The following ADAMTS20 variants were observed in gnomAD, a reference collection of about 807,000 sequenced individuals.
ADAMTS20 encodes the protein ADAM metallopeptidase with thrombospondin type 1 motif 20, also known as A disintegrin and metalloproteinase with thrombospondin motifs 20.
Under a neutral mutation model 260.1 loss-of-function variants are expected in ADAMTS20, and 225 were observed. The observed-to-expected ratio is 0.87, with a 90% confidence interval of 0.78 to 0.97. The LOEUF is 0.97. Among genes scored for constraint, ADAMTS20 ranks in the 50% least tolerant of loss-of-function variants. ADAMTS20 has a pLI of 0.00. For missense variants in ADAMTS20, 2,400 were observed against 2,337.7 expected (o/e 1.03, Z -0.55); for synonymous variants, 802 against 769.5 (o/e 1.04, Z -0.70).
intron 3 of ADAMTS20, among the ~76,000 whole-genome samples, chr12:43,526,222 G>A (rs1565582414): frequency 2.0e-5 from 3 of 152,162 alleles, no homozygotes; most frequent in Non-Finnish European, 1.5e-5. Context: ...ACGGGAGGCC[G>A]AGGTGGGTGG....
intron 29 of ADAMTS20, among the ~76,000 whole-genome samples, chr12:43,390,160 C>T (rs774354077): frequency 4.6e-5 from 7 of 152,214 alleles, no homozygotes; most frequent in Non-Finnish European, 8.8e-5. Context: ...GGCCATTGCA[C>T]TCTGGGCCTA....
At chr12:43,397,563 G>C (rs1940729852) in intron 29 of ADAMTS20, among the ~76,000 whole-genome samples, 1 of 152,132 alleles carries the variant, frequency 6.6e-6, no homozygotes, top group Non-Finnish European at 1.5e-5. Flanking sequence ...ACTAACTATG[G>C]AGGCAAGGAA....
At chr12:43,417,390 T>C (rs533364223) in intron 28 of ADAMTS20, among the ~76,000 whole-genome samples, 1 of 152,186 alleles carries the variant, frequency 6.6e-6, no homozygotes, top group African/African-American at 2.4e-5. Flanking sequence ...TATAATAATG[T>C]ATAAGAGTTT....
intron 37 of ADAMTS20, among the ~76,000 whole-genome samples, chr12:43,362,173 A>G (rs1051574099): frequency 6.6e-5 from 10 of 152,256 alleles, no homozygotes; most frequent in African/African-American, 2.4e-4. Context: ...TCCATTTAAG[A>G]GAGTTGAAAT....
At chr12:43,395,894 T>C (rs568522781) in intron 29 of ADAMTS20, among the ~76,000 whole-genome samples, 1 of 152,034 alleles carries the variant, frequency 6.6e-6, no homozygotes, top group Non-Finnish European at 1.5e-5. Flanking sequence ...TCCTAGAGAT[T>C]GTGCATTTGG....
chr12:43,493,491 C>A (rs535038162), intron 4 of ADAMTS20, among the ~76,000 whole-genome samples: 7 of 152,224 alleles, frequency 4.6e-5, no homozygotes, highest in Admixed American at 4.6e-4. Context: ...GTATCTTAAA[C>A]CTTGCTACTG....
Position 43,551,965 on chromosome 12 carries a change from G to T in ADAMTS20, c.-44C>A. On this transcript the variant is annotated 5_prime_UTR_variant, in exon 1 of 39. Transcript: ENST00000389420. This position sits in a 1 kb window ranked among gnomAD's most constrained non-coding sequence, Gnocchi z 4.6. Reference sequence around the variant, plus strand: ...CCGATCGGGGAGGCCCACCAGAGCCGCCGGCAGCCAAGCCGGCTTCCCTCG... The same window carrying T: ...CCGATCGGGGAGGCCCACCAGAGCCTCCGGCAGCCAAGCCGGCTTCCCTCG... The T allele has an allele frequency of 6.4e-7, 1 of 1,560,532 alleles. No individual in the cohort carries two copies. Among genetic ancestry groups the T allele is most frequent in the Non-Finnish European group, 8.8e-7 (1 of 1,134,860 alleles).
chr12:43,383,436 G>T lies in ADAMTS20; in HGVS notation c.4797+122C>A, dbSNP rs181259175. The T allele has an allele frequency of 2.1e-4, 193 of 921,310 alleles. 1 individual carries two copies. The African/African-American group carries it at 2.8e-3, about 14-fold the overall frequency. 57.1% of individuals were successfully genotyped at this position (921,310 alleles called of 1,614,324 possible). ...TGTCAGTGGTCTCATTCCTTAGATT[G>T]ATATGCATACCATCATCTGCCCTCA... On this transcript the variant is annotated intron_variant, in intron 31 of 38. Transcript: ENST00000389420.
chr12:43,525,420 G>T (rs1000294455), intron 3 of ADAMTS20, among the ~76,000 whole-genome samples: 1 of 152,114 alleles, frequency 6.6e-6, no homozygotes, highest in Non-Finnish European at 1.5e-5. Flanking sequence ...CACCAAAATA[G>T]AATCTCTTGA....
intron 7 of ADAMTS20, among the ~76,000 whole-genome samples, chr12:43,475,721 C>T (rs1231792277): frequency 6.7e-6 from 1 of 150,082 alleles, no homozygotes; most frequent in Non-Finnish European, 1.5e-5. Context: ...TTTGACAAAC[C>T]TGAGAAAAAC....
At chr12:43,357,630 A>C (rs1206469608) in intron 37 of ADAMTS20, among the ~76,000 whole-genome samples, 1 of 152,192 alleles carries the variant, frequency 6.6e-6, no homozygotes, top group Admixed American at 6.5e-5. Flanking sequence ...CCATTGCAGA[A>C]ATAATTAGTT....
intron 28 of ADAMTS20, among the ~76,000 whole-genome samples, chr12:43,409,395 G>A (rs567879617): frequency 2.3e-4 from 35 of 151,632 alleles, no homozygotes; most frequent in Middle Eastern, 3.4e-3. Flanking sequence ...GAGGTCAGGA[G>A]ATCGAGACCA....
rs1162338659 is a variant in ADAMTS20 at position 43,460,964 on chromosome 12, TTA to T, written c.1614+1929_1614+1930del. On this transcript the variant is annotated intron_variant, in intron 11 of 38. Coordinates refer to ENST00000389420, the MANE Select transcript of ADAMTS20 (RefSeq NM_025003.5). ...TGCCTAGATAAGAGGCACAACTAAA[TTA>T]TATATATATATATATATATATATTT... Among the ~76,000 whole-genome samples the T allele has an allele frequency of 5.5e-3, 322 of 58,032 alleles. 10 individuals carry two copies. The highest frequency in any genetic ancestry group is 6.4e-3 in the Non-Finnish European group (217 of 34,022). The allele number at this position is 58,032 out of a possible 152,430, so 38.1% of individuals were successfully genotyped here.
rs910982328 is a variant in ADAMTS20 at position 43,452,698 on chromosome 12, A to C, written c.1761-3T>G. Reference sequence around the variant, plus strand: ...AGTAATTTCCTCCGTTTCTTGGCCTAGTCAAATTCATTACATTTTAAAGCA... The same window carrying C: ...AGTAATTTCCTCCGTTTCTTGGCCTCGTCAAATTCATTACATTTTAAAGCA... On this transcript the variant is annotated splice_region_variant and splice_polypyrimidine_tract_variant and intron_variant, in intron 12 of 38. Coordinates refer to ENST00000389420, the MANE Select transcript of ADAMTS20 (RefSeq NM_025003.5). 6.9e-6 allele frequency: 11 copies of C among 1,595,270 alleles called. No individual in the cohort carries two copies. Among genetic ancestry groups the C allele is most frequent in the Non-Finnish European group, 8.6e-7 (1 of 1,168,172 alleles).
rs758587634 is a variant in ADAMTS20, at chr12:43,427,468, C to T, written c.3947G>A (p.Cys1316Tyr). The T allele has an allele frequency of 6.2e-7, 1 of 1,605,976 alleles. No homozygotes were observed. The highest frequency in any genetic ancestry group is 1.1e-5 in the South Asian group (1 of 89,438). Residue 1316 changes from cysteine (C) to tyrosine (Y), a missense_variant and splice_region_variant, in exon 27 of 39, where the codon TGC becomes TAC. Cys to Tyr is a radical substitution (Grantham distance 194). Coordinates refer to ENST00000389420, the MANE Select transcript of ADAMTS20 (RefSeq NM_025003.5). ...NQWRTGPWGS[C>Y]SSSCSGGLQH... ...AAGACCTCCAGAACAACTGCTGGAG[C>T]ACTGACAAGAATAAAACACAAAATA...
At chr12:43,414,785 A>G (rs1941098840) in intron 28 of ADAMTS20, among the ~76,000 whole-genome samples, 1 of 152,088 alleles carries the variant, frequency 6.6e-6, no homozygotes, top group Non-Finnish European at 1.5e-5. Flanking sequence ...ACACTAGTTT[A>G]TACTAGATAC....
chr12:43,542,152 C>T (rs1475954112), intron 2 of ADAMTS20, among the ~76,000 whole-genome samples: 1 of 152,094 alleles, frequency 6.6e-6, no homozygotes, highest in Non-Finnish European at 1.5e-5. Context: ...AAGAAATGGC[C>T]ACGTTCTTGT....
At chr12:43,498,599 A>G (rs915755103) in intron 4 of ADAMTS20, among the ~76,000 whole-genome samples, 1 of 152,192 alleles carries the variant, frequency 6.6e-6, no homozygotes, top group Non-Finnish European at 1.5e-5. Flanking sequence ...GCCTTCTAAA[A>G]ACTGGAAAAA....
At chr12:43,423,623 A>G in intron 28 of ADAMTS20, 1 of 639,236 alleles carries the variant, frequency 1.6e-6, no homozygotes, top group South Asian at 1.8e-5. Context: ...ATAAAATGAA[A>G]GAAGATGGAA....
Sources: allele counts gnomAD v4.1 joint callset (sites outside exome capture counted in the v4.1 genomes callset), GRCh38; gene constraint gnomAD v4.1.1; non-coding constraint Gnocchi (gnomAD v3.1); transcripts MANE v1.5; gene names NCBI Gene and HGNC (gene_info 2026-07-23, HGNC 2026-07-21).